CNTNAP2: variants seen among roughly 807,000 people sequenced by gnomAD.
CNTNAP2 encodes the protein contactin associated protein 2, also known as contactin-associated protein-like 2.
A neutral mutation model predicts 155.2 loss-of-function variants in CNTNAP2; 98 were observed. The observed-to-expected ratio is 0.63, with a 90% CI of 0.54 to 0.75. CNTNAP2 has a LOEUF of 0.75. CNTNAP2 is among the 30% of genes least tolerant of loss of function. The pLI, the probability that CNTNAP2 is intolerant of heterozygous loss-of-function variation, is 0.00. For synonymous variants in CNTNAP2, 651 were observed against 631.2 expected (o/e 1.03, Z -0.47); for missense variants, 1,727 against 1,688.1 (o/e 1.02, Z -0.40).
chr7:146,711,257 C>A (rs1026542022), intron 1 of CNTNAP2, among the ~76,000 whole-genome samples: 8 of 145,724 alleles, frequency 5.5e-5, no homozygotes, highest in African/African-American at 2.0e-4. Flanking sequence ...TTTATATATA[C>A]ATATAAATAT....
intron 11 of CNTNAP2, among the ~76,000 whole-genome samples, chr7:147,529,648 G>A (rs555707115): frequency 1.3e-5 from 2 of 152,114 alleles, no homozygotes; most frequent in Non-Finnish European, 2.9e-5. Context: ...AATCAAGGAC[G>A]TTGAGGCTTA....
intron 1 of CNTNAP2, among the ~76,000 whole-genome samples, chr7:146,395,832 A>AG (rs1321794761): frequency 2.1e-3 from 214 of 101,742 alleles, no homozygotes; most frequent in African/African-American, 0.011. Flanking sequence ...TAGAGGAGAG[A>AG]GAGAGAGAGA....
rs114787956 is a variant in CNTNAP2, at chr7:146,249,382, A to C, written c.97+132409A>C. Among the ~76,000 whole-genome samples the C allele has an allele frequency of 7.5e-3, 1,140 of 152,276 alleles. 15 individuals are homozygous for C. Among genetic ancestry groups the C allele is most frequent in the African/African-American group, 0.025 (1,042 of 41,550 alleles). ...TCTTCAAATTCAAATTTATTTCTGT[A>C]TCTCTTAATAGAAATGAGGAAACGT... On this transcript the variant is annotated intron_variant, in intron 1 of 23. Transcript: ENST00000361727.
chr7:146,821,425 G>A (rs978439635), intron 2 of CNTNAP2, among the ~76,000 whole-genome samples: 4 of 152,008 alleles, frequency 2.6e-5, no homozygotes, highest in Admixed American at 2.0e-4. Context: ...CACTTATGAA[G>A]CTTAGTTTGG....
chr7:148,180,409 A>T (rs769309386), intron 18 of CNTNAP2, among the ~76,000 whole-genome samples: 2 of 152,160 alleles, frequency 1.3e-5, no homozygotes, highest in Non-Finnish European at 2.9e-5. Context: ...ATTTAAAAGT[A>T]TCATGGTAAC....
chr7:148,254,223 T>C (rs4590355), intron 20 of CNTNAP2, among the ~76,000 whole-genome samples: 4 of 151,862 alleles, frequency 2.6e-5, no homozygotes, highest in African/African-American at 9.7e-5. Flanking sequence ...CATCAACGGC[T>C]CTTACCGCAC....
chr7:147,460,725 A>G (rs1798007524), intron 10 of CNTNAP2, among the ~76,000 whole-genome samples: 1 of 152,212 alleles, frequency 6.6e-6, no homozygotes. Context: ...TTTAAAGGAA[A>G]TTGGTGCCTA....
intron 14 of CNTNAP2, among the ~76,000 whole-genome samples, chr7:147,953,868 T>C (rs538145184): frequency 7.7e-4 from 117 of 152,180 alleles, no homozygotes; most frequent in Admixed American, 3.1e-3. Flanking sequence ...ATTTCCCCCT[T>C]CCTATTAGGA....
intron 1 of CNTNAP2, among the ~76,000 whole-genome samples, chr7:146,141,165 A>G (rs543090190): frequency 4.6e-5 from 7 of 152,304 alleles, no homozygotes; most frequent in South Asian, 2.1e-4. Context: ...ACAGATACCA[A>G]TGCTGCTCAT....
At chr7:146,587,452 C>A (rs1034479394) in intron 1 of CNTNAP2, among the ~76,000 whole-genome samples, 1 of 152,122 alleles carries the variant, frequency 6.6e-6, no homozygotes, top group Admixed American at 6.5e-5. Context: ...AGGTGTAGGG[C>A]TGCAGCTTGG....
At chr7:146,134,181 A>G (rs1384658202) in intron 1 of CNTNAP2, among the ~76,000 whole-genome samples, 2 of 152,050 alleles carry the variant, frequency 1.3e-5, no homozygotes, top group African/African-American at 4.8e-5. Context: ...AAGCAATTGT[A>G]AATGGGAGTT....
chr7:146,592,895 T>C (rs918254905), intron 1 of CNTNAP2, among the ~76,000 whole-genome samples: 2 of 151,914 alleles, frequency 1.3e-5, no homozygotes, highest in African/African-American at 4.8e-5. Context: ...CTGCATGCAG[T>C]TTATGTAGCA....
intron 3 of CNTNAP2, among the ~76,000 whole-genome samples, chr7:146,986,976 G>T (rs1205323449): frequency 6.6e-6 from 1 of 151,962 alleles, no homozygotes; most frequent in African/African-American, 2.4e-5. Context: ...TATAAATAAA[G>T]TTGTTTCGTT....
chr7:146,405,373 A>G (rs1281998912), intron 1 of CNTNAP2, among the ~76,000 whole-genome samples: 4 of 152,238 alleles, frequency 2.6e-5, no homozygotes, highest in African/African-American at 7.2e-5. Flanking sequence ...TGCTTTGCTC[A>G]GCAACGTTGA....
chr7:147,359,898 G>A (rs1796119123), intron 9 of CNTNAP2, among the ~76,000 whole-genome samples: 1 of 151,840 alleles, frequency 6.6e-6, no homozygotes, highest in Admixed American at 6.6e-5. Flanking sequence ...AATATGATAT[G>A]TTCTTTATTC....
chr7:147,236,260 C>T (rs1422725926), intron 8 of CNTNAP2, among the ~76,000 whole-genome samples: 1 of 152,220 alleles, frequency 6.6e-6, no homozygotes, highest in Non-Finnish European at 1.5e-5. Flanking sequence ...CCTGCTCAGA[C>T]TCTGATACGC....
At chr7:146,913,707 C>T (rs1464711269) in intron 3 of CNTNAP2, among the ~76,000 whole-genome samples, 1 of 152,040 alleles carries the variant, frequency 6.6e-6, no homozygotes, top group African/African-American at 2.4e-5. Flanking sequence ...CCTCCCAAAG[C>T]CCCTCTCCTA....
intron 2 of CNTNAP2, among the ~76,000 whole-genome samples, chr7:146,783,270 G>C (rs188113969): frequency 1.3e-5 from 2 of 152,180 alleles, no homozygotes; most frequent in East Asian, 3.9e-4. Context: ...CGAATAAAAA[G>C]TATCACCTTT....
At chr7:147,899,034 G>T (rs1258486844) in intron 13 of CNTNAP2, among the ~76,000 whole-genome samples, 1 of 152,096 alleles carries the variant, frequency 6.6e-6, no homozygotes, top group African/African-American at 2.4e-5. Flanking sequence ...CTGCTTATAT[G>T]AGATATCTAA....
Sources: gnomAD v4.1 joint callset for allele counts (sites outside exome capture counted in the v4.1 genomes callset) on GRCh38, gnomAD v4.1.1 for gene constraint, MANE v1.5 for transcripts, NCBI Gene and HGNC (gene_info 2026-07-23, HGNC 2026-07-21) for gene names.